Variants in CDH12 observed in about 807,000 individuals in gnomAD.
CDH12 encodes cadherin-12.
Under a neutral mutation model 74.1 loss-of-function variants are expected in CDH12, and 41 were observed. That is an observed-to-expected ratio of 0.55 (90% CI 0.43 to 0.72). The LOEUF (loss-of-function observed/expected upper bound fraction) is 0.72, where lower values mean the gene tolerates loss of function less well. Ranked by LOEUF, CDH12 falls within the 30% of genes least tolerant of loss-of-function variation. The pLI is 0.00. For missense variants in CDH12, 945 were observed against 977.2 expected, an observed-to-expected ratio of 0.97 and a Z score of 0.44; for synonymous variants, 399 against 355.0, an observed-to-expected ratio of 1.12 and a Z score of -1.39.
intron 6 of CDH12, among the ~76,000 whole-genome samples, chr5:21,896,820 G>A (rs963100245): frequency 4.6e-5 from 7 of 152,178 alleles, no homozygotes; most frequent in African/African-American, 1.7e-4. Flanking sequence ...ATCTGTGGTA[G>A]CTTATCCCTC....
At chr5:22,047,936 ACTT>A (rs1740076604) in intron 5 of CDH12, among the ~76,000 whole-genome samples, 1 of 152,182 alleles carries the variant, frequency 6.6e-6, no homozygotes, top group Non-Finnish European at 1.5e-5. Flanking sequence ...TATCATGGAT[ACTT>A]CTTTTTCAGT....
intron 1 of CDH12, among the ~76,000 whole-genome samples, chr5:22,776,016 G>A (rs1747081075): frequency 6.6e-6 from 1 of 151,964 alleles, no homozygotes; most frequent in South Asian, 2.1e-4. Flanking sequence ...TTTGCCTCTC[G>A]CCATGATTCT....
chr5:22,774,740 C>G (rs1746997922), intron 1 of CDH12, among the ~76,000 whole-genome samples: 1 of 151,972 alleles, frequency 6.6e-6, no homozygotes. Context: ...TATAAATTAA[C>G]CAGTTTTGGG....
intron 3 of CDH12, among the ~76,000 whole-genome samples, chr5:22,363,405 A>C (rs1740902654): frequency 6.6e-6 from 1 of 152,150 alleles, no homozygotes; most frequent in Non-Finnish European, 1.5e-5. Flanking sequence ...GGGAATGCAA[A>C]CAACCATTAA....
intron 5 of CDH12, among the ~76,000 whole-genome samples, chr5:22,024,809 T>C (rs1288870855): frequency 6.6e-6 from 1 of 152,168 alleles, no homozygotes; most frequent in Non-Finnish European, 1.5e-5. Flanking sequence ...CCACCATGCC[T>C]GGCCAAAAGC....
intron 1 of CDH12, among the ~76,000 whole-genome samples, chr5:22,832,980 A>G (rs1050306392): frequency 6.6e-6 from 1 of 152,170 alleles, no homozygotes; most frequent in African/African-American, 2.4e-5. Flanking sequence ...TTTCATTTTC[A>G]AAATTCAAAA....
At chr5:21,942,116 T>C (rs2150091234) in intron 6 of CDH12, among the ~76,000 whole-genome samples, 1 of 152,122 alleles carries the variant, frequency 6.6e-6, no homozygotes, top group East Asian at 1.9e-4. Flanking sequence ...AGATGGGAGA[T>C]GTGTCATGAA....
At chr5:21,790,165 G>A (rs1378249810) in intron 10 of CDH12, among the ~76,000 whole-genome samples, 2 of 151,986 alleles carry the variant, frequency 1.3e-5, no homozygotes, top group African/African-American at 4.8e-5. Context: ...GTTAATATTT[G>A]TAGCATATGT....
intron 2 of CDH12, among the ~76,000 whole-genome samples, chr5:22,484,309 G>T (rs1396295384): frequency 6.6e-6 from 1 of 152,160 alleles, no homozygotes; most frequent in Admixed American, 6.5e-5. Flanking sequence ...GTAGGTCTTA[G>T]GCAGATGCAT....
At chr5:22,275,043 T>G (rs1430877656) in intron 3 of CDH12, among the ~76,000 whole-genome samples, 1 of 152,138 alleles carries the variant, frequency 6.6e-6, no homozygotes, top group Non-Finnish European at 1.5e-5. Context: ...TGCACCAGCT[T>G]CTGAGTTCCA....
intron 3 of CDH12, among the ~76,000 whole-genome samples, chr5:22,376,424 T>C (rs1189972478): frequency 6.6e-6 from 1 of 152,166 alleles, no homozygotes; most frequent in Non-Finnish European, 1.5e-5. Flanking sequence ...CAATGTAATG[T>C]ATATTTCAAA....
chr5:22,022,659 C>T (rs944366673), intron 5 of CDH12, among the ~76,000 whole-genome samples: 1 of 151,936 alleles, frequency 6.6e-6, no homozygotes, highest in Non-Finnish European at 1.5e-5. Flanking sequence ...AATATTAAAA[C>T]CTATAGATCT....
chr5:22,796,031 T>A (rs1748188398), intron 1 of CDH12, among the ~76,000 whole-genome samples: 1 of 152,124 alleles, frequency 6.6e-6, no homozygotes, highest in South Asian at 2.1e-4. Context: ...CATGAGTTTG[T>A]TTTTTATGGC....
chr5:21,894,355 G>T (rs1175116527), intron 6 of CDH12, among the ~76,000 whole-genome samples: 3 of 147,876 alleles, frequency 2.0e-5, no homozygotes, highest in Non-Finnish European at 4.4e-5. Flanking sequence ...CTCCAGCCTG[G>T]GCAACAGAGG....
At chr5:22,517,196 T>C (rs1039896149) in intron 1 of CDH12, among the ~76,000 whole-genome samples, 1 of 152,106 alleles carries the variant, frequency 6.6e-6, no homozygotes, top group East Asian at 1.9e-4. Context: ...AAAAATAAGA[T>C]ATATTTAGCA....
At chr5:22,571,766 G>A (rs1278982892) in intron 1 of CDH12, among the ~76,000 whole-genome samples, 1 of 152,098 alleles carries the variant, frequency 6.6e-6, no homozygotes, top group African/African-American at 2.4e-5. Flanking sequence ...CCAGGGAGAG[G>A]GAGAGAGACA....
intron 2 of CDH12, among the ~76,000 whole-genome samples, chr5:22,476,719 A>G (rs1402057318): frequency 1.3e-5 from 2 of 152,194 alleles, no homozygotes; most frequent in Non-Finnish European, 2.9e-5. Flanking sequence ...AAAATTGTCT[A>G]TAGATTTATC....
At chr5:22,360,714 T>A (rs978345566) in intron 3 of CDH12, among the ~76,000 whole-genome samples, 3 of 152,102 alleles carry the variant, frequency 2.0e-5, no homozygotes, top group East Asian at 3.9e-4. Flanking sequence ...CAGCAGCATG[T>A]CAAAAAGCTT....
At chr5:22,592,026 T>C (rs11950946) in intron 1 of CDH12, among the ~76,000 whole-genome samples, 5,588 of 152,238 alleles carry the variant, frequency 0.037, 319 homozygotes, top group African/African-American at 0.12. Flanking sequence ...GCTACTTTAA[T>C]GTTTTACCAT....
Sources: allele counts gnomAD v4.1 joint callset (sites outside exome capture counted in the v4.1 genomes callset), GRCh38; gene constraint gnomAD v4.1.1; transcripts MANE v1.5; gene names NCBI Gene and HGNC (gene_info 2026-07-23, HGNC 2026-07-21).